The following ACYP2 variants were observed in gnomAD, a reference collection of about 807,000 sequenced individuals.
The protein encoded by ACYP2 is acylphosphatase 2, also known as acylphosphatase-2.
Under a neutral mutation model 11.2 loss-of-function variants are expected in ACYP2, and 12 were observed. The ratio of observed to expected loss-of-function variants is 1.08; its 90% confidence interval spans 0.69 to 1.74. The LOEUF (loss-of-function observed/expected upper bound fraction) is 1.74, where lower values mean the gene tolerates loss of function less well. Ranked by LOEUF, ACYP2 falls within the 40% of genes most tolerant of loss-of-function variation. The pLI, the probability that ACYP2 is intolerant of heterozygous loss-of-function variation, is 0.00. For synonymous variants in ACYP2, 43 were observed against 32.2 expected, an observed-to-expected ratio of 1.33 and a Z score of -1.13; for missense variants, 134 against 101.9, an observed-to-expected ratio of 1.31 and a Z score of -1.35.
chr2:54,023,081 C>A (rs1480697106), intron 2 of ACYP2, among the ~76,000 whole-genome samples: 1 of 152,096 alleles, frequency 6.6e-6, no homozygotes, highest in Non-Finnish European at 1.5e-5. Context: ...CCCAGCCTGA[C>A]CAAAAAGGGT....
chr2:54,196,119 A>G (rs1187321477), intron 6 of ACYP2, among the ~76,000 whole-genome samples: 1 of 152,078 alleles, frequency 6.6e-6, no homozygotes, highest in Non-Finnish European at 1.5e-5. Context: ...CTTAATTAAA[A>G]TTGGATTTTA....
At chr2:54,291,863 C>T (rs1164683391) in intron 6 of ACYP2, among the ~76,000 whole-genome samples, 4 of 152,070 alleles carry the variant, frequency 2.6e-5, no homozygotes, top group African/African-American at 4.8e-5. Flanking sequence ...TCATAGAGAT[C>T]GGGAGTGTCT....
intron 2 of ACYP2, among the ~76,000 whole-genome samples, chr2:53,983,882 G>A (rs1470669219): frequency 6.6e-6 from 1 of 152,194 alleles, no homozygotes; most frequent in Admixed American, 6.5e-5. Flanking sequence ...TGAGTACAAT[G>A]TGATAGGAAC....
intron 3 of ACYP2, among the ~76,000 whole-genome samples, chr2:54,053,893 C>A (rs914404773): frequency 6.6e-6 from 1 of 152,234 alleles, no homozygotes; most frequent in Non-Finnish European, 1.5e-5. Flanking sequence ...AAAGTTTACT[C>A]TCACTGGGAG....
At chr2:54,093,002 G>A (rs1224427195) in intron 4 of ACYP2, among the ~76,000 whole-genome samples, 13 of 152,188 alleles carry the variant, frequency 8.5e-5, no homozygotes. Context: ...ACTCTGAAGT[G>A]AGCTCTGAGC....
intron 6 of ACYP2, among the ~76,000 whole-genome samples, chr2:54,248,618 T>C (rs563634682): frequency 6.6e-6 from 1 of 152,212 alleles, no homozygotes; most frequent in African/African-American, 2.4e-5. Flanking sequence ...ACACTTAAGT[T>C]TGGCATTTGT....
rs1477921507 is a variant in ACYP2, at chr2:54,304,705, A to T, written c.422A>T (p.Lys141Met). ...TTTTATAGGAAGTCCTGGCTGAGCA[A>T]GGTTGGAAGCCCTAGTTCTCGCATT... Residue 141 changes from lysine to methionine, a missense_variant, in exon 7 of 7, where the codon AAG becomes ATG. Lys to Met is a moderately conservative substitution (Grantham distance 95). Transcript: ENST00000607452. The T allele has an allele frequency of 6.2e-7, 1 of 1,610,598 alleles. No individual in the cohort carries two copies. Among genetic ancestry groups the T allele is most frequent in the Admixed American group, 1.7e-5 (1 of 59,850 alleles).
At chr2:54,199,532 G>C (rs1432373521) in intron 6 of ACYP2, among the ~76,000 whole-genome samples, 1 of 152,176 alleles carries the variant, frequency 6.6e-6, no homozygotes, top group Non-Finnish European at 1.5e-5. Flanking sequence ...GACTTGGCTG[G>C]TACAAGTGGA....
At chr2:54,067,473 CTT>C (rs1477776679) in intron 4 of ACYP2, among the ~76,000 whole-genome samples, 3 of 152,142 alleles carry the variant, frequency 2.0e-5, no homozygotes, top group African/African-American at 4.8e-5. Context: ...AAAAATGTAA[CTT>C]AAGGATCTGT....
chr2:54,102,344 C>G (rs1055914949), intron 4 of ACYP2, among the ~76,000 whole-genome samples: 1 of 152,142 alleles, frequency 6.6e-6, no homozygotes, highest in African/African-American at 2.4e-5. Flanking sequence ...TTGTTAGAGA[C>G]CAGCTTAAGC....
At chr2:54,252,406 C>A (rs549113654) in intron 6 of ACYP2, among the ~76,000 whole-genome samples, 1 of 151,964 alleles carries the variant, frequency 6.6e-6, no homozygotes, top group South Asian at 2.1e-4. Flanking sequence ...TATATATTTC[C>A]GTTGGGTATA....
chr2:54,278,756 A>G (rs1352899191), intron 6 of ACYP2, among the ~76,000 whole-genome samples: 6 of 152,160 alleles, frequency 3.9e-5, no homozygotes, highest in Non-Finnish European at 8.8e-5. Flanking sequence ...AAACATACCT[A>G]TTTACCTATA....
intron 2 of ACYP2, among the ~76,000 whole-genome samples, chr2:54,022,024 A>G (rs1326098898): frequency 6.6e-6 from 1 of 152,210 alleles, no homozygotes; most frequent in Non-Finnish European, 1.5e-5. Flanking sequence ...TACCAGTGGT[A>G]TTACTGAGCT....
At chr2:54,101,475 C>T (rs1480268493) in intron 4 of ACYP2, among the ~76,000 whole-genome samples, 5 of 151,972 alleles carry the variant, frequency 3.3e-5, no homozygotes, top group African/African-American at 4.8e-5. Context: ...TTGAGAGCAG[C>T]CTGACCAACA....
At chr2:54,092,977 C>A (rs1427976030) in intron 4 of ACYP2, among the ~76,000 whole-genome samples, 2 of 152,166 alleles carry the variant, frequency 1.3e-5, no homozygotes, top group Non-Finnish European at 2.9e-5. Flanking sequence ...GGGGTACAAT[C>A]GTTCAGAGTA....
chr2:54,099,550 T>C (rs764757568), intron 4 of ACYP2, among the ~76,000 whole-genome samples: 1 of 152,220 alleles, frequency 6.6e-6, no homozygotes, highest in Non-Finnish European at 1.5e-5. Flanking sequence ...TTTCTGTGCC[T>C]GGCTTATTTT....
intron 6 of ACYP2, among the ~76,000 whole-genome samples, chr2:54,297,005 C>G (rs1273080583): frequency 1.3e-5 from 2 of 152,140 alleles, no homozygotes; most frequent in African/African-American, 4.8e-5. Flanking sequence ...ATCTACCCAT[C>G]CATCCATTCA....
At chr2:53,986,494 A>C (rs897345354) in intron 2 of ACYP2, among the ~76,000 whole-genome samples, 1 of 149,544 alleles carries the variant, frequency 6.7e-6, no homozygotes, top group Non-Finnish European at 1.5e-5. Flanking sequence ...ACAGCACCAC[A>C]CTCAGCTAAT....
At chr2:54,247,108 C>T (rs938758774) in intron 6 of ACYP2, among the ~76,000 whole-genome samples, 1 of 152,164 alleles carries the variant, frequency 6.6e-6, no homozygotes, top group African/African-American at 2.4e-5. Flanking sequence ...GGTCTTATAG[C>T]AGCGTTTTTT....
Sources: allele counts gnomAD v4.1 joint callset (sites outside exome capture counted in the v4.1 genomes callset), GRCh38; gene constraint gnomAD v4.1.1; transcripts MANE v1.5; gene names NCBI Gene and HGNC (gene_info 2026-07-23, HGNC 2026-07-21).